The following MYLK4 variants were observed in gnomAD, a reference collection of about 807,000 sequenced individuals.
The protein encoded by MYLK4 is myosin light chain kinase family member 4.
A neutral mutation model predicts 48.1 loss-of-function variants in MYLK4; 46 were observed. The ratio of observed to expected loss-of-function variants is 0.96; its 90% confidence interval spans 0.75 to 1.22. MYLK4 has a LOEUF of 1.22. MYLK4 is among the 50% of genes most tolerant of loss of function. The probability of loss-of-function intolerance (pLI) is 0.00; values close to 1 mark genes in which losing one functional copy is unlikely to be tolerated. For synonymous variants in MYLK4, 170 were observed against 180.8 expected (o/e 0.94, Z 0.48); for missense variants, 451 against 486.1 (o/e 0.93, Z 0.68).
At chr6:2,765,793 CG>C in the MYLK4 span, 1 of 1,414,498 alleles carries the variant, frequency 7.1e-7, no homozygotes, top group South Asian at 1.5e-5. Flanking sequence ...CGCACCGCGC[CG>C]GGGAGCGGGC....
the MYLK4 span, among the ~76,000 whole-genome samples, chr6:2,767,498 T>C: frequency 6.6e-6 from 1 of 152,234 alleles, no homozygotes; most frequent in Non-Finnish European, 1.5e-5. Context: ...GAATTGCCCT[T>C]TTTGTGCCTT....
chr6:2,704,194 G>A (rs1762404935), intron 2 of MYLK4, among the ~76,000 whole-genome samples: 1 of 152,180 alleles, frequency 6.6e-6, no homozygotes, highest in Admixed American at 6.5e-5. Context: ...CTGATGCCAG[G>A]CTGTATTTAC....
chr6:2,724,063 A>T (rs1763162929), intron 2 of MYLK4, among the ~76,000 whole-genome samples: 1 of 152,002 alleles, frequency 6.6e-6, no homozygotes, highest in Non-Finnish European at 1.5e-5. Flanking sequence ...TTTTTAGTAG[A>T]GACGGGGTTT....
chr6:2,674,093 T>A (rs1475525944), intron 11 of MYLK4, among the ~76,000 whole-genome samples: 6 of 152,344 alleles, frequency 3.9e-5, no homozygotes, highest in Non-Finnish European at 8.8e-5. Flanking sequence ...CATATGGATC[T>A]GCAGCTTAGG....
the MYLK4 span, among the ~76,000 whole-genome samples, chr6:2,769,498 TAAA>T: frequency 7.2e-5 from 11 of 152,172 alleles, no homozygotes; most frequent in African/African-American, 2.4e-4. Flanking sequence ...GGCATAACTT[TAAA>T]AAATTTTTTT....
chr6:2,675,336 A>G (rs766281402), intron 10 of MYLK4, among the ~76,000 whole-genome samples: 1 of 152,252 alleles, frequency 6.6e-6, no homozygotes, highest in Non-Finnish European at 1.5e-5. Context: ...AAGACAAACA[A>G]GGCAAATAAT....
chr6:2,704,742 G>C (rs752354020), intron 2 of MYLK4, among the ~76,000 whole-genome samples: 1 of 152,186 alleles, frequency 6.6e-6, no homozygotes, highest in Non-Finnish European at 1.5e-5. Context: ...CAAGAGCAGG[G>C]AGTAGCTCTT....
At chr6:2,737,228 G>A (rs1488837201) in intron 2 of MYLK4, among the ~76,000 whole-genome samples, 2 of 152,242 alleles carry the variant, frequency 1.3e-5, no homozygotes, top group Non-Finnish European at 2.9e-5. Flanking sequence ...CAGGAGAATC[G>A]CTTGAACCCG....
rs564620291 is a variant in MYLK4 at position 2,744,203 on chromosome 6, C to G, written c.159+4933G>C. The G allele has an allele frequency of 6.3e-5, 25 of 394,620 alleles. No homozygotes were observed. The East Asian group carries it at 8.3e-4, about 13-fold the overall frequency. 24.4% of individuals were successfully genotyped at this position (394,620 alleles called of 1,614,324 possible). The stretch of plus-strand genomic sequence containing the variant: ...GTCCTGCACTGGACGTCTCCAGTTA[C>G]GTGATCAGCAAATAATCTGCCTCTT... On this transcript the variant is annotated intron_variant, in intron 2 of 12. Transcript: ENST00000274643.
chr6:2,707,799 G>T (rs1762543227), intron 2 of MYLK4, among the ~76,000 whole-genome samples: 1 of 151,872 alleles, frequency 6.6e-6, no homozygotes, highest in Non-Finnish European at 1.5e-5. Flanking sequence ...ATAAAATTGA[G>T]ACTTCAGATG....
At chr6:2,770,276 C>G in the MYLK4 span, 1 of 1,614,122 alleles carries the variant, frequency 6.2e-7, no homozygotes, top group Non-Finnish European at 8.5e-7. Flanking sequence ...TATTTTAATG[C>G]GAGCGATCAA....
chr6:2,744,406 C>T (rs1427822896), intron 2 of MYLK4, among the ~76,000 whole-genome samples: 1 of 152,202 alleles, frequency 6.6e-6, no homozygotes, highest in Admixed American at 6.5e-5. Context: ...TGCCAGGGAG[C>T]TTTCTCCTGC....
intron 4 of MYLK4, among the ~76,000 whole-genome samples, chr6:2,688,087 T>G (rs1761627762): frequency 6.6e-6 from 1 of 151,492 alleles, no homozygotes; most frequent in Non-Finnish European, 1.5e-5. Flanking sequence ...TGAGACAGAG[T>G]CTTACTCTGT....
At chr6:2,744,111 A>C in intron 2 of MYLK4, 1 of 388,250 alleles carries the variant, frequency 2.6e-6, no homozygotes, top group East Asian at 3.6e-5. Flanking sequence ...AGCACTTCTC[A>C]AGCAGTGTCA....
At chr6:2,674,681 G>A (rs984924033) in intron 11 of MYLK4, among the ~76,000 whole-genome samples, 1 of 152,124 alleles carries the variant, frequency 6.6e-6, no homozygotes, top group Admixed American at 6.5e-5. Context: ...AGACCAGCCT[G>A]ACCAACATGG....
intron 2 of MYLK4, among the ~76,000 whole-genome samples, chr6:2,728,991 A>C (rs1480368226): frequency 2.6e-5 from 4 of 152,086 alleles, no homozygotes; most frequent in African/African-American, 9.7e-5. Context: ...AATAGAATGG[A>C]GTCTTTGCTG....
chr6:2,682,398 G>A (rs1266654378), intron 7 of MYLK4, among the ~76,000 whole-genome samples: 1 of 152,018 alleles, frequency 6.6e-6, no homozygotes, highest in Non-Finnish European at 1.5e-5. Context: ...AGAGGGAAGG[G>A]GCAATCAATA....
Position 2,694,531 on chromosome 6 carries a change from T to TGGTG in MYLK4, c.160-1673_160-1672insCACC, listed in dbSNP as rs1561846030. Among the ~76,000 whole-genome samples, 17 of 102,258 alleles carry TGGTG rather than the reference T, an allele frequency of 1.7e-4. 1 individual carries two copies. The highest frequency in any genetic ancestry group is 5.7e-4 in the African/African-American group (15 of 26,228). The allele number at this position is 102,258 out of a possible 152,430, so 67.1% of individuals were successfully genotyped here. A position where few individuals can be genotyped will look rare whatever the true frequency, so the allele number is the denominator to read the frequency against. On this transcript the variant is annotated intron_variant, in intron 2 of 12. Transcript: ENST00000274643. ...GTGGTGGCGGTGGTGGTGGTGGTGG[T>TGGTG]AGTAGTGTTGGTTGTGGTGGTAGTC...
chr6:2,702,947 T>A (rs1202243816), intron 2 of MYLK4, among the ~76,000 whole-genome samples: 1 of 152,188 alleles, frequency 6.6e-6, no homozygotes, highest in Non-Finnish European at 1.5e-5. Flanking sequence ...CATTGTCCTT[T>A]GTTTGATTGT....
Sources: allele counts gnomAD v4.1 joint callset (sites outside exome capture counted in the v4.1 genomes callset), GRCh38; gene constraint gnomAD v4.1.1; transcripts MANE v1.5; gene names NCBI Gene and HGNC (gene_info 2026-07-23, HGNC 2026-07-21).